ACAT2: variants seen among roughly 807,000 people sequenced by gnomAD.
The protein encoded by ACAT2 is acetyl-CoA acetyltransferase, cytosolic.
A neutral mutation model predicts 37.1 loss-of-function variants in ACAT2; 26 were observed. That is an observed-to-expected ratio of 0.70 (90% CI 0.51 to 0.97). The LOEUF (loss-of-function observed/expected upper bound fraction) is 0.97, where lower values mean the gene tolerates loss of function less well. ACAT2 is among the 50% of genes least tolerant of loss of function. The pLI is 0.00. For synonymous variants in ACAT2, 156 were observed against 163.6 expected (o/e 0.95, Z 0.35); for missense variants, 468 against 489.0 (o/e 0.96, Z 0.40).
chr6:159,762,663 T>G, intron 1 of ACAT2: 7 of 1,457,304 alleles, frequency 4.8e-6, no homozygotes, highest in Non-Finnish European at 4.6e-6. Context: ...GTCCTTCGGA[T>G]TTGGGGAAAT....
chr6:159,771,469 A>C (rs919309244), intron 4 of ACAT2, among the ~76,000 whole-genome samples: 5 of 152,214 alleles, frequency 3.3e-5, no homozygotes, highest in African/African-American at 1.2e-4. Flanking sequence ...AATCTCATAC[A>C]TAAGGAAGAG....
intron 1 of ACAT2, 61 bp downstream of exon 1, chr6:159,762,203 G>A: frequency 1.3e-6 from 2 of 1,557,578 alleles, no homozygotes; most frequent in Non-Finnish European, 8.7e-7. Context: ...CAGGAGCGCC[G>A]AGGGCCGGAC....
chr6:159,769,537 A>C (rs970394690), intron 4 of ACAT2, among the ~76,000 whole-genome samples: 1 of 152,278 alleles, frequency 6.6e-6, no homozygotes, highest in African/African-American at 2.4e-5. Flanking sequence ...GGCTCAGGTC[A>C]TGATGGAGTA....
At chr6:159,777,559 C>T (rs1011199987) in intron 7 of ACAT2, 103 bp downstream of exon 7, 1 of 1,288,602 alleles carries the variant, frequency 7.8e-7, no homozygotes, top group South Asian at 1.5e-5. Flanking sequence ...AGAAGAGTAA[C>T]CAAGAGCATT....
At chr6:159,765,363 G>A (rs1259484299) in intron 2 of ACAT2, among the ~76,000 whole-genome samples, 7 of 151,064 alleles carry the variant, frequency 4.6e-5, no homozygotes, top group African/African-American at 1.5e-4. Flanking sequence ...TTATCCACCC[G>A]CCTCGGCCTC....
intron 2 of ACAT2, 95 bp downstream of exon 2, chr6:159,763,148 T>G: frequency 6.8e-7 from 1 of 1,480,934 alleles, no homozygotes; most frequent in African/African-American, 1.4e-5. Context: ...ACACACTCTC[T>G]CACTCACTCA....
intron 2 of ACAT2, 89 bp downstream of exon 2, chr6:159,763,142 ACTCT>A (rs935148081): frequency 9.4e-6 from 14 of 1,483,534 alleles, no homozygotes; most frequent in Middle Eastern, 2.1e-4. Flanking sequence ...ACACTCACAC[ACTCT>A]CTCACTCACT....
chr6:159,772,642 T>C (rs1399711117), intron 4 of ACAT2, among the ~76,000 whole-genome samples: 2 of 151,932 alleles, frequency 1.3e-5, no homozygotes, highest in Non-Finnish European at 2.9e-5. Flanking sequence ...GAGAATAGCT[T>C]TTACAGGGTG....
At chr6:159,762,408 C>G in intron 1 of ACAT2, 1 of 1,380,338 alleles carries the variant, frequency 7.2e-7, no homozygotes, top group Non-Finnish European at 9.4e-7. Context: ...TGGCCTGCCT[C>G]TCCCATTGGT....
At chr6:159,778,636 C>G (rs755963322) in intron 8 of ACAT2, 23 bp from the exon 9 acceptor site, 3 of 1,610,608 alleles carry the variant, frequency 1.9e-6, no homozygotes, top group Non-Finnish European at 2.5e-6. Flanking sequence ...AATAAACAAT[C>G]TAAATCTTTT....
chr6:159,767,215 A>G lies in ACAT2; in HGVS notation c.372+29A>G, dbSNP rs1469660429. 3.7e-6 allele frequency: 6 copies of G among 1,610,682 alleles called. No homozygotes were observed. The Admixed American group carries it at 5.0e-5, about 13-fold the overall frequency. On this transcript the variant is annotated intron_variant, in intron 3 of 8. Coordinates refer to ENST00000367048, the MANE Select transcript of ACAT2 (RefSeq NM_005891.3). Reference sequence around the variant, plus strand: ...AGGCCTCTCTGATGAGGTGGCTTTCACTGACCTCACACTGAGAAACTCATG... The same window carrying G: ...AGGCCTCTCTGATGAGGTGGCTTTCGCTGACCTCACACTGAGAAACTCATG...
chr6:159,762,508 T>G, intron 1 of ACAT2: 1 of 1,303,712 alleles, frequency 7.7e-7, no homozygotes, highest in Non-Finnish European at 9.8e-7. Context: ...GCGGAACTGC[T>G]AGGTGGTCTG....
chr6:159,775,927 G>A (rs1053844719), intron 5 of ACAT2: 2 of 438,036 alleles, frequency 4.6e-6, no homozygotes, highest in Non-Finnish European at 8.1e-6. Flanking sequence ...AAGGCCTATG[G>A]ATTTGGAAAA....
chr6:159,771,338 C>G (rs1780333770), intron 4 of ACAT2, among the ~76,000 whole-genome samples: 1 of 152,140 alleles, frequency 6.6e-6, no homozygotes, highest in Non-Finnish European at 1.5e-5. Flanking sequence ...TGAGATCACG[C>G]CATTGCACTC....
rs574526118 is a variant in ACAT2 at position 159,771,988 on chromosome 6, G to A, written c.491-3182G>A. 2.6e-5 allele frequency among the ~76,000 whole-genome samples: 4 copies of A among 152,290 alleles called. No individual in the cohort carries two copies. The South Asian group carries it at 8.3e-4, about 32-fold the overall frequency. On this transcript the variant is annotated intron_variant, in intron 4 of 8. Transcript: ENST00000367048. ...CGCCTGTAATCCTAGCACTTTGGGA[G>A]GCCGAGGCGGGCGGATCATGAGGTC...
rs554358134 is a variant in ACAT2 at position 159,778,103 on chromosome 6, A to T, written c.913-67A>T. 3.7e-6 allele frequency: 4 copies of T among 1,071,546 alleles called. No homozygotes were observed. The African/African-American group carries it at 6.4e-5, about 17-fold the overall frequency. The allele number at this position is 1,071,546 out of a possible 1,614,324, so 66.4% of individuals were successfully genotyped here. ...TCATGCAGCATATATTTATGTTGAC[A>T]AAGAATGGTTTAACTTTAGCCTTTC... On this transcript the variant is annotated intron_variant, in intron 7 of 8. Transcript: ENST00000367048.
In ACAT2 at chr6:159,768,581, G is replaced by A; in HGVS notation, c.443G>A (p.Cys148Tyr). 6.2e-7 allele frequency: 1 copy of A among 1,613,966 alleles called. No homozygotes were observed. Among genetic ancestry groups the A allele is most frequent in the Non-Finnish European group, 8.5e-7 (1 of 1,179,852 alleles). ...GEMPLTDSIL[C>Y]DGLTDAFHNC... Reference sequence around the variant, plus strand: ...ATGCCACTGACTGACAGTATACTCTGTGATGGTCTTACAGATGCATTTCAC... The same window carrying A: ...ATGCCACTGACTGACAGTATACTCTATGATGGTCTTACAGATGCATTTCAC... The change falls in exon 4 of 9, where the codon TGT (cysteine) becomes TAT (tyrosine). Residue 148 changes from cysteine to tyrosine, a missense_variant. Coordinates refer to ENST00000367048, the MANE Select transcript of ACAT2 (RefSeq NM_005891.3).
At chr6:159,763,929 G>A (rs1472836801) in intron 2 of ACAT2, among the ~76,000 whole-genome samples, 6 of 151,662 alleles carry the variant, frequency 4.0e-5, no homozygotes, top group Admixed American at 2.6e-4. Flanking sequence ...GTGAAACCCC[G>A]TTTCTACTAA....
chr6:159,778,713 T>C lies in ACAT2; in HGVS notation c.1078T>C (p.Cys360Arg). 1 of 1,614,250 alleles carries C rather than the reference T, an allele frequency of 6.2e-7. No homozygotes were observed. The highest frequency in any genetic ancestry group is 8.5e-7 in the Non-Finnish European group (1 of 1,180,038). The change falls in exon 9 of 9, where the codon TGT (cysteine) becomes CGT (arginine). Residue 360 changes from cysteine to arginine, a missense_variant. By Grantham distance (180) the Cys-to-Arg change is radical (BLOSUM62 -3). Coordinates refer to ENST00000367048, the MANE Select transcript of ACAT2 (RefSeq NM_005891.3). ...ALGHPLGASG[C>R]RILVTLLHTL... ...GGGCCACCCTCTTGGAGCATCTGGC[T>C]GTCGAATTCTTGTGACCCTGTTACA...
Sources: allele counts gnomAD v4.1 joint callset (sites outside exome capture counted in the v4.1 genomes callset), GRCh38; gene constraint gnomAD v4.1.1; transcripts MANE v1.5; gene names NCBI Gene and HGNC (gene_info 2026-07-23, HGNC 2026-07-21).